The following KLF13 variants were observed in gnomAD, a reference collection of about 807,000 sequenced individuals.
The protein encoded by KLF13 is Krueppel-like factor 13.
Under a neutral mutation model 16.7 loss-of-function variants are expected in KLF13, and 8 were observed. The observed-to-expected ratio is 0.48, with a 90% CI of 0.28 to 0.87. The LOEUF (loss-of-function observed/expected upper bound fraction) is 0.87, where lower values mean the gene tolerates loss of function less well. KLF13 is among the 40% of genes least tolerant of loss of function. The probability of loss-of-function intolerance (pLI) is 0.10; values close to 1 mark genes in which losing one functional copy is unlikely to be tolerated. For missense variants in KLF13, 447 were observed against 452.2 expected (o/e 0.99, Z 0.10); for synonymous variants, 245 against 208.4 (o/e 1.18, Z -1.51).
intron 1 of KLF13, among the ~76,000 whole-genome samples, chr15:31,337,766 C>T (rs770516905): frequency 3.9e-5 from 6 of 152,226 alleles, no homozygotes; most frequent in Non-Finnish European, 7.3e-5. Context: ...ACCAGCCTCT[C>T]GTCCCACGTG....
intron 1 of KLF13, chr15:31,420,364 T>C (rs1444393449): frequency 1.4e-5 from 16 of 1,131,312 alleles, no homozygotes; most frequent in Middle Eastern, 3.1e-4. Flanking sequence ...ACCTGAGGTA[T>C]AAGCTCTTGC....
At chr15:31,388,846 G>A (rs191057899), upstream of KLF13, among the ~76,000 whole-genome samples, 322 of 148,376 alleles carry the variant, frequency 2.2e-3, 4 homozygotes, top group Admixed American at 7.7e-3. Flanking sequence ...TACCACCTTG[G>A]GATTAAACTT....
At chr15:31,330,245 G>A (rs1312356023) in intron 1 of KLF13, among the ~76,000 whole-genome samples, 3 of 152,220 alleles carry the variant, frequency 2.0e-5, no homozygotes, top group Non-Finnish European at 2.9e-5. Flanking sequence ...TGAGGTGTCC[G>A]TGGTTTGTGG....
At chr15:31,428,802 CAAAAAA>C (rs1218921356) in intron 1 of KLF13, among the ~76,000 whole-genome samples, 1 of 61,888 alleles carries the variant, frequency 1.6e-5, no homozygotes, top group Non-Finnish European at 2.9e-5. Flanking sequence ...GACTCTATCT[CAAAAAA>C]AAAAAAAAAA....
intron 1 of KLF13, among the ~76,000 whole-genome samples, chr15:31,341,793 C>T (rs1388781664): frequency 6.6e-6 from 1 of 152,188 alleles, no homozygotes; most frequent in African/African-American, 2.4e-5. Context: ...CCCTGTGACA[C>T]AGCATGTGGG....
chr15:31,354,940 CAAA>C (rs200942793), intron 1 of KLF13, among the ~76,000 whole-genome samples: 1 of 152,256 alleles, frequency 6.6e-6, no homozygotes, highest in Non-Finnish European at 1.5e-5. Context: ...AAGTGTGAAG[CAAA>C]AAATCCAAAG....
At chr15:31,340,064 T>TC in intron 1 of KLF13, 1 of 702,228 alleles carries the variant, frequency 1.4e-6, no homozygotes. Context: ...GGGTGGTGTG[T>TC]CCTGTGAGCC....
intron 1 of KLF13, among the ~76,000 whole-genome samples, chr15:31,413,906 G>A (rs1413805511): frequency 6.6e-6 from 1 of 152,130 alleles, no homozygotes; most frequent in African/African-American, 2.4e-5. Context: ...AGAATAATAT[G>A]TATATCATGC....
chr15:31,422,333 A>C (rs1053960289), intron 1 of KLF13, among the ~76,000 whole-genome samples: 7 of 151,832 alleles, frequency 4.6e-5, no homozygotes, highest in Non-Finnish European at 7.4e-5. Flanking sequence ...AGCTGGAGAG[A>C]CCTCGGGAAA....
At chr15:31,369,334 A>G (rs1201774259) in intron 1 of KLF13, among the ~76,000 whole-genome samples, 3 of 152,234 alleles carry the variant, frequency 2.0e-5, no homozygotes. Context: ...TGCTTCCATC[A>G]GCAGGGCCTG....
intron 1 of KLF13, among the ~76,000 whole-genome samples, chr15:31,355,003 C>T (rs2039277635): frequency 6.6e-6 from 1 of 151,962 alleles, no homozygotes; most frequent in South Asian, 2.1e-4. Flanking sequence ...TGGATCCAGC[C>T]CTAAAACCCC....
At chr15:31,358,700 G>A (rs1000375867) in intron 1 of KLF13, among the ~76,000 whole-genome samples, 2 of 152,190 alleles carry the variant, frequency 1.3e-5, no homozygotes, top group African/African-American at 4.8e-5. Context: ...AATAAACCTG[G>A]CTCTGTAATT....
chr15:31,428,570 T>G (rs1263743154), intron 1 of KLF13, among the ~76,000 whole-genome samples: 1 of 151,164 alleles, frequency 6.6e-6, no homozygotes, highest in African/African-American at 2.4e-5. Flanking sequence ...ACTTTGGGAG[T>G]CCGAGGCGGG....
At chr15:31,371,574 C>T (rs907470297) in intron 1 of KLF13, among the ~76,000 whole-genome samples, 5 of 152,248 alleles carry the variant, frequency 3.3e-5, no homozygotes, top group African/African-American at 1.2e-4. Context: ...CAGAGTGTGG[C>T]TCCCATGGAG....
intron 1 of KLF13, among the ~76,000 whole-genome samples, chr15:31,348,187 G>C (rs1394402329): frequency 6.6e-6 from 1 of 152,180 alleles, no homozygotes; most frequent in Non-Finnish European, 1.5e-5. Context: ...GTGGAGCTGG[G>C]ACAGGCAGCT....
chr15:31,358,661 C>T (rs933736328), intron 1 of KLF13, among the ~76,000 whole-genome samples: 4 of 152,184 alleles, frequency 2.6e-5, no homozygotes, highest in Non-Finnish European at 5.9e-5. Flanking sequence ...TTTTGATCAG[C>T]CTCAAATGAA....
At chr15:31,396,448 C>T (rs1222552852) in intron 2 of KLF13, among the ~76,000 whole-genome samples, 4 of 151,878 alleles carry the variant, frequency 2.6e-5, no homozygotes, top group East Asian at 1.9e-4. Context: ...TGAGCCACCG[C>T]GCCCGGCCTA....
At chr15:31,370,117 G>T (rs1385322722) in intron 1 of KLF13, among the ~76,000 whole-genome samples, 1 of 97,210 alleles carries the variant, frequency 1.0e-5, no homozygotes, top group Non-Finnish European at 2.1e-5. Context: ...TCTTCTCCAT[G>T]TTTTCTGTTT....
chr15:31,415,266 C>A (rs186197496), intron 1 of KLF13, among the ~76,000 whole-genome samples: 2 of 152,302 alleles, frequency 1.3e-5, no homozygotes, highest in Admixed American at 1.3e-4. Flanking sequence ...ATAAATCATC[C>A]AGCCTAAGGT....
Sources: gnomAD v4.1 joint callset for allele counts (sites outside exome capture counted in the v4.1 genomes callset) on GRCh38, gnomAD v4.1.1 for gene constraint, MANE v1.5 for transcripts, NCBI Gene and HGNC (gene_info 2026-07-23, HGNC 2026-07-21) for gene names.